Variants in ZFAND3 observed in about 807,000 individuals in gnomAD.
ZFAND3 encodes AN1-type zinc finger protein 3.
In ZFAND3, 10 loss-of-function variants were observed where a neutral mutation model predicts 29.6. The ratio of observed to expected loss-of-function variants is 0.34; its 90% CI spans 0.21 to 0.57. The LOEUF is 0.57. Among genes scored for constraint, ZFAND3 ranks in the 20% least tolerant of loss-of-function variants. ZFAND3 has a pLI of 0.86. For missense variants in ZFAND3, 230 were observed against 304.5 expected, an observed-to-expected ratio of 0.76 and a Z score of 1.82; for synonymous variants, 128 against 112.6, an observed-to-expected ratio of 1.14 and a Z score of -0.87.
At chr6:37,925,455 C>A (rs375087782) in intron 1 of ZFAND3, among the ~76,000 whole-genome samples, 1 of 152,164 alleles carries the variant, frequency 6.6e-6, no homozygotes, top group Non-Finnish European at 1.5e-5. Context: ...GTAATCCCAG[C>A]ACTTTGGGAG....
chr6:38,153,040 T>C lies in ZFAND3; in HGVS notation c.*651T>C. 1.0e-6 allele frequency: 1 copy of C among 985,690 alleles called. No individual in the cohort carries two copies. Among genetic ancestry groups the C allele is most frequent in the South Asian group, 4.7e-5 (1 of 21,292 alleles). The allele number at this position is 985,690 out of a possible 1,614,324, so 61.1% of individuals were successfully genotyped here. ...TCACACAAGAAGAGAAACAGTAACC[T>C]CACTTTGAAAATTAGCTCCACTCAA... On this transcript the variant is annotated 3_prime_UTR_variant, in exon 6 of 6. Transcript: ENST00000287218.
At chr6:38,142,208 G>A in intron 5 of ZFAND3, 1 of 471,298 alleles carries the variant, frequency 2.1e-6, no homozygotes, top group Non-Finnish European at 4.4e-6. Flanking sequence ...CCAGTGTGTT[G>A]ATTGAAAGGT....
intron 4 of ZFAND3, among the ~76,000 whole-genome samples, chr6:38,103,494 CGTGT>C (rs1765146615): frequency 1.7e-4 from 4 of 23,654 alleles, no homozygotes; most frequent in Admixed American, 8.1e-4. Flanking sequence ...CATATATACA[CGTGT>C]ATATATATAC....
chr6:37,994,877 G>A (rs779691522), intron 2 of ZFAND3, among the ~76,000 whole-genome samples: 8 of 152,130 alleles, frequency 5.3e-5, no homozygotes, highest in Non-Finnish European at 1.0e-4. Flanking sequence ...AATTTCTGGT[G>A]TACACTAGAG....
chr6:37,854,269 A>G (rs147701445), intron 1 of ZFAND3, among the ~76,000 whole-genome samples: 22 of 152,224 alleles, frequency 1.4e-4, no homozygotes, highest in African/African-American at 4.3e-4. Flanking sequence ...TTTTTAGTGG[A>G]CTAACCCACT....
intron 2 of ZFAND3, among the ~76,000 whole-genome samples, chr6:38,015,487 T>G (rs912597399): frequency 5.9e-5 from 9 of 152,190 alleles, no homozygotes; most frequent in Non-Finnish European, 1.2e-4. Context: ...AGGAGTCAGG[T>G]ACAAGAGTAT....
At chr6:37,920,124 A>C (rs1342450559) in intron 1 of ZFAND3, among the ~76,000 whole-genome samples, 1 of 146,682 alleles carries the variant, frequency 6.8e-6, no homozygotes, top group East Asian at 2.0e-4. Flanking sequence ...CTCAAAAGTA[A>C]GGATTTAATT....
intron 1 of ZFAND3, among the ~76,000 whole-genome samples, chr6:37,916,484 G>A (rs571945448): frequency 6.8e-6 from 1 of 147,768 alleles, no homozygotes; most frequent in Non-Finnish European, 1.5e-5. Flanking sequence ...ACGGTGAAAC[G>A]CTGTCTCTAC....
intron 5 of ZFAND3, among the ~76,000 whole-genome samples, chr6:38,129,715 A>G (rs1765706787): frequency 6.6e-6 from 1 of 151,590 alleles, no homozygotes; most frequent in African/African-American, 2.4e-5. Flanking sequence ...CGTTTTGGTG[A>G]CTACGGCCTT....
At chr6:37,995,969 A>T (rs1383579709) in intron 2 of ZFAND3, among the ~76,000 whole-genome samples, 4 of 152,062 alleles carry the variant, frequency 2.6e-5, no homozygotes, top group African/African-American at 9.7e-5. Context: ...TCTACTAAAA[A>T]TACAAAAAAA....
chr6:38,043,372 C>T (rs771845023), intron 2 of ZFAND3, among the ~76,000 whole-genome samples: 4 of 150,986 alleles, frequency 2.6e-5, no homozygotes, highest in African/African-American at 9.7e-5. Context: ...TTTGCCTCTC[C>T]TCTCTCCTCC....
intron 2 of ZFAND3, among the ~76,000 whole-genome samples, chr6:37,983,332 C>A (rs1236627567): frequency 7.4e-6 from 1 of 135,652 alleles, no homozygotes; most frequent in Non-Finnish European, 1.5e-5. Context: ...TACAGGTGTA[C>A]CAGTTTTTAT....
chr6:38,093,016 C>CTAA (rs1764904284), intron 4 of ZFAND3, among the ~76,000 whole-genome samples: 1 of 152,102 alleles, frequency 6.6e-6, no homozygotes, highest in Non-Finnish European at 1.5e-5. Context: ...TTGAAGAAGC[C>CTAA]TAATACATGC....
chr6:38,081,533 T>G (rs1581901073), intron 3 of ZFAND3, among the ~76,000 whole-genome samples: 1 of 152,310 alleles, frequency 6.6e-6, no homozygotes, highest in East Asian at 1.9e-4. Context: ...CTTTTACTTC[T>G]GCTAGTCACA....
At chr6:37,960,469 T>C (rs1561947541) in intron 2 of ZFAND3, among the ~76,000 whole-genome samples, 1 of 152,202 alleles carries the variant, frequency 6.6e-6, no homozygotes, top group Non-Finnish European at 1.5e-5. Context: ...CCATCAGTGA[T>C]GTTTGCCTGA....
intron 2 of ZFAND3, among the ~76,000 whole-genome samples, chr6:37,938,730 T>A (rs1005971650): frequency 6.6e-6 from 1 of 152,222 alleles, no homozygotes; most frequent in Non-Finnish European, 1.5e-5. Context: ...ATTATTATGC[T>A]AGTCAAGATA....
Position 38,091,211 on chromosome 6 carries a change from C to T in ZFAND3, c.361+8754C>T, listed in dbSNP as rs1388128166. The stretch of plus-strand genomic sequence containing the variant: ...TGGAGATGTGTGTGTGTAAGAAGTC[C>T]AGGCTTTGCTGTTGAGCTTTTCGTG... On this transcript the variant is annotated intron_variant, in intron 4 of 5. Transcript: ENST00000287218. Among the ~76,000 whole-genome samples the T allele has an allele frequency of 3.9e-5, 6 of 152,116 alleles. No individual in the cohort carries two copies. The East Asian group carries it at 1.2e-3, about 29-fold the overall frequency.
intron 5 of ZFAND3, among the ~76,000 whole-genome samples, chr6:38,144,093 A>G (rs146852703): frequency 6.1e-4 from 91 of 150,026 alleles, no homozygotes; most frequent in African/African-American, 1.9e-3. Flanking sequence ...GCTGTTCCCA[A>G]CGTGTACTTA....
chr6:38,136,865 C>T (rs1242765329), intron 5 of ZFAND3, among the ~76,000 whole-genome samples: 1 of 152,228 alleles, frequency 6.6e-6, no homozygotes, highest in African/African-American at 2.4e-5. Flanking sequence ...CTGAGCTCTG[C>T]ACCATATGTT....
Sources: allele counts gnomAD v4.1 joint callset (sites outside exome capture counted in the v4.1 genomes callset), GRCh38; gene constraint gnomAD v4.1.1; transcripts MANE v1.5; gene names NCBI Gene and HGNC (gene_info 2026-07-23, HGNC 2026-07-21).